Variants in ABCC1 observed in about 807,000 individuals in gnomAD.
ABCC1 encodes multidrug resistance-associated protein 1.
A neutral mutation model predicts 172.9 loss-of-function variants in ABCC1; 83 were observed. The observed-to-expected ratio is 0.48, with a 90% confidence interval of 0.40 to 0.58. The LOEUF (loss-of-function observed/expected upper bound fraction) is 0.58, where lower values mean the gene tolerates loss of function less well. Ranked by LOEUF, ABCC1 falls within the 20% of genes least tolerant of loss-of-function variation. The pLI is 0.00. For missense variants in ABCC1, 1,817 were observed against 2,002.7 expected (o/e 0.91, Z 1.77); for synonymous variants, 937 against 825.2 (o/e 1.14, Z -2.32).
chr16:16,131,182 C>T (rs984753965), intron 26 of ABCC1, among the ~76,000 whole-genome samples: 4 of 152,132 alleles, frequency 2.6e-5, no homozygotes, highest in African/African-American at 9.7e-5. Flanking sequence ...GAATGGTGAG[C>T]ATGAACGTCA....
Position 16,059,530 on chromosome 16 carries a change from C to T in ABCC1, c.1677+3235C>T, listed in dbSNP as rs539625280. Among the ~76,000 whole-genome samples, 121 of 152,098 alleles carry T rather than the reference C, an allele frequency of 8.0e-4. 3 individuals carry two copies. In the South Asian group the frequency reaches 0.021, roughly 27 times the overall value. ...TTAAAAAATATGAAATCTGGCTGGG[C>T]GCAGGGGCTCATGCCTGTAATCTCA... is the stretch of plus-strand genomic sequence containing the variant. On this transcript the variant is annotated intron_variant, in intron 12 of 30. Coordinates refer to ENST00000399410, the MANE Select transcript of ABCC1 (RefSeq NM_004996.4).
At chr16:16,090,380 G>C in intron 18 of ABCC1, 25 bp from the exon 19 acceptor site, 1 of 1,561,710 alleles carries the variant, frequency 6.4e-7, no homozygotes, top group East Asian at 2.3e-5. Context: ...GCACTCACGT[G>C]GCCGGGTGTC....
intron 7 of ABCC1, among the ~76,000 whole-genome samples, chr16:16,038,518 TGTGTCCGGACCCTCTGCTGATTGGG>T (rs1290845997): frequency 6.6e-6 from 1 of 152,158 alleles, no homozygotes; most frequent in East Asian, 1.9e-4. Context: ...GACTTTTTGT[TGTGTCCGGACCCTCTGCTGATTGGG>T]CGGTGCCACC....
At chr16:16,085,040 A>C (rs1194564110) in intron 17 of ABCC1, among the ~76,000 whole-genome samples, 1 of 152,202 alleles carries the variant, frequency 6.6e-6, no homozygotes, top group Non-Finnish European at 1.5e-5. Flanking sequence ...TTGAGGAAAA[A>C]GGAGGCACAG....
chr16:15,996,977 C>CT (rs147666809), intron 1 of ABCC1, among the ~76,000 whole-genome samples: 1 of 152,136 alleles, frequency 6.6e-6, no homozygotes, highest in African/African-American at 2.4e-5. Context: ...GTCCCCAACT[C>CT]TTTGAGTGTC....
intron 1 of ABCC1, among the ~76,000 whole-genome samples, chr16:15,987,913 G>T (rs1414399641): frequency 1.3e-5 from 2 of 152,098 alleles, no homozygotes; most frequent in East Asian, 3.9e-4. Flanking sequence ...CCTTCCTCCA[G>T]ATGGCCATTT....
chr16:16,075,677 G>A (rs45559533), intron 14 of ABCC1, among the ~76,000 whole-genome samples: 30 of 152,252 alleles, frequency 2.0e-4, no homozygotes, highest in Admixed American at 5.9e-4. Context: ...CTTTGTCTCC[G>A]ACACTCTCCC....
intron 16 of ABCC1, among the ~76,000 whole-genome samples, chr16:16,082,357 A>G (rs1339941340): frequency 2.6e-5 from 4 of 152,124 alleles, no homozygotes; most frequent in African/African-American, 9.7e-5. Context: ...CCAAGGCAGG[A>G]GGATTGCTTG....
At chr16:16,016,395 C>A in intron 4 of ABCC1, 101 bp from the exon 5 acceptor site, 1 of 1,437,498 alleles carries the variant, frequency 7.0e-7, no homozygotes, top group Non-Finnish European at 9.6e-7. Context: ...CTCAGGTGTT[C>A]TGCCTGTCTC....
In ABCC1 at chr16:16,073,054, A is replaced by G. The variant is rs1357437762; in HGVS notation, c.1912+1325A>G. 2.8e-5 allele frequency among the ~76,000 whole-genome samples: 4 copies of G among 143,168 alleles called. No homozygotes were observed. The East Asian group carries it at 8.1e-4, about 29-fold the overall frequency. 93.9% of individuals were successfully genotyped at this position (143,168 alleles called of 152,430 possible). A position where few individuals can be genotyped will look rare whatever the true frequency, so the allele number is the denominator to read the frequency against. On this transcript the variant is annotated intron_variant, in intron 14 of 30. Coordinates refer to ENST00000399410, the MANE Select transcript of ABCC1 (RefSeq NM_004996.4). The stretch of plus-strand genomic sequence containing the variant: ...AGACTTCATCTCAAAAAAAAAAAAA[A>G]AAATAATAATAATAAATATTAATGG...
At chr16:16,006,425 G>GAA (rs11441920) in intron 1 of ABCC1, among the ~76,000 whole-genome samples, 443 of 149,236 alleles carry the variant, frequency 3.0e-3, no homozygotes, top group Non-Finnish European at 5.2e-3. Context: ...TTCAAAAAAA[G>GAA]AAAAAAAAAA....
At chr16:16,086,157 C>G (rs1172922366) in intron 17 of ABCC1, among the ~76,000 whole-genome samples, 1 of 152,212 alleles carries the variant, frequency 6.6e-6, no homozygotes. Flanking sequence ...GGCCTTCCCA[C>G]TGGTCAACAT....
chr16:15,985,469 A>C lies in ABCC1; in HGVS notation c.49-22347A>C, dbSNP rs571227743. 6.8e-4 allele frequency among the ~76,000 whole-genome samples: 102 copies of C among 149,250 alleles called. 4 individuals carry two copies. Among genetic ancestry groups the C allele is most frequent in the Middle Eastern group, 6.8e-3 (2 of 292 alleles). On this transcript the variant is annotated intron_variant, in intron 1 of 30. Coordinates refer to ENST00000399410, the MANE Select transcript of ABCC1 (RefSeq NM_004996.4). ...TTCTTTTTTTTTTCTTTTGAGACTG[A>C]GTTTTGCTTTTGTTGCCCAGGCTGG...
At chr16:16,075,805 C>G (rs2050537823) in intron 14 of ABCC1, among the ~76,000 whole-genome samples, 1 of 152,024 alleles carries the variant, frequency 6.6e-6, no homozygotes, top group Non-Finnish European at 1.5e-5. Flanking sequence ...AGTGGTGTGG[C>G]TGGGGGAGGA....
chr16:16,069,168 AAAAAT>A (rs1286230338), intron 13 of ABCC1, among the ~76,000 whole-genome samples: 25 of 126,542 alleles, frequency 2.0e-4, no homozygotes, highest in African/African-American at 5.9e-4. Flanking sequence ...AAAATAAAAT[AAAAAT>A]AAATAAATAA....
intron 1 of ABCC1, among the ~76,000 whole-genome samples, chr16:15,968,304 G>T (rs1034390652): frequency 6.6e-6 from 1 of 152,128 alleles, no homozygotes; most frequent in Non-Finnish European, 1.5e-5. Context: ...AAAGTCCTGG[G>T]ATTACCGGGG....
chr16:16,084,612 C>T (rs1035760625), intron 17 of ABCC1, among the ~76,000 whole-genome samples: 9 of 145,818 alleles, frequency 6.2e-5, no homozygotes, highest in Admixed American at 5.6e-4. Flanking sequence ...GATCGGCTGG[C>T]CTCAGCCTCT....
chr16:16,087,353 G>T (rs2051050778), intron 18 of ABCC1, among the ~76,000 whole-genome samples: 1 of 152,178 alleles, frequency 6.6e-6, no homozygotes, highest in Non-Finnish European at 1.5e-5. Context: ...GGGTAGAGGG[G>T]TCGGAAAATT....
chr16:15,999,460 A>G (rs2047169607), intron 1 of ABCC1, among the ~76,000 whole-genome samples: 1 of 151,922 alleles, frequency 6.6e-6, no homozygotes, highest in South Asian at 2.1e-4. Flanking sequence ...TACTAAAAAT[A>G]CGAGATTAGC....
Sources: allele counts gnomAD v4.1 joint callset (sites outside exome capture counted in the v4.1 genomes callset), GRCh38; gene constraint gnomAD v4.1.1; transcripts MANE v1.5; gene names NCBI Gene and HGNC (gene_info 2026-07-23, HGNC 2026-07-21).